Variants in PLEKHA7 observed in about 807,000 individuals in gnomAD.
PLEKHA7 encodes the protein pleckstrin homology domain-containing family A member 7.
In PLEKHA7, 104 loss-of-function variants were observed where a neutral mutation model predicts 170.0. That is an observed-to-expected ratio of 0.61 (90% confidence interval 0.52 to 0.72). The LOEUF (loss-of-function observed/expected upper bound fraction) is 0.72, where lower values mean the gene tolerates loss of function less well. Among genes scored for constraint, PLEKHA7 ranks in the 30% least tolerant of loss-of-function variants. The pLI is 0.00. For missense variants in PLEKHA7, 1,615 were observed against 1,671.7 expected (o/e 0.97, Z 0.59); for synonymous variants, 648 against 660.8 (o/e 0.98, Z 0.30).
intron 6 of PLEKHA7, among the ~76,000 whole-genome samples, chr11:16,852,781 G>A (rs1853085783): frequency 6.6e-6 from 1 of 152,114 alleles, no homozygotes; most frequent in African/African-American, 2.4e-5. Context: ...ATTAAGTGAG[G>A]CAAAGTTTTC....
chr11:16,928,006 G>A (rs1859682510), intron 3 of PLEKHA7, among the ~76,000 whole-genome samples: 1 of 152,110 alleles, frequency 6.6e-6, no homozygotes, highest in African/African-American at 2.4e-5. Flanking sequence ...GGGGTCTGTT[G>A]GGGAGGGAGG....
intron 3 of PLEKHA7, among the ~76,000 whole-genome samples, chr11:16,905,191 G>C (rs749491039): frequency 3.2e-4 from 49 of 152,136 alleles, no homozygotes; most frequent in Non-Finnish European, 6.5e-4. Flanking sequence ...AATCGAGGGT[G>C]CAGTAAGCCA....
chr11:16,947,578 G>A lies in PLEKHA7; in HGVS notation c.221+66411C>T, dbSNP rs186129930. Reference sequence around the variant, plus strand: ...TGCACTCCAGCCTGAGCGAGAGAGCGAGACTCCACCTAAAAAAAAAAAAAA... The same window carrying A: ...TGCACTCCAGCCTGAGCGAGAGAGCAAGACTCCACCTAAAAAAAAAAAAAA... On this transcript the variant is annotated intron_variant, in intron 3 of 26. Coordinates refer to ENST00000531066, the MANE Select transcript of PLEKHA7 (RefSeq NM_001329630.2). 1.8e-3 allele frequency among the ~76,000 whole-genome samples: 254 copies of A among 144,308 alleles called. 6 individuals carry two copies. Among genetic ancestry groups the A allele is most frequent in the Non-Finnish European group, 2.3e-3 (152 of 65,992 alleles). The allele number at this position is 144,308 out of a possible 152,430, so 94.7% of individuals were successfully genotyped here. A position where few individuals can be genotyped will look rare whatever the true frequency, so the allele number is the denominator to read the frequency against.
intron 19 of PLEKHA7, among the ~76,000 whole-genome samples, chr11:16,793,328 A>G (rs1847987307): frequency 6.6e-6 from 1 of 152,242 alleles, no homozygotes; most frequent in South Asian, 2.1e-4. Flanking sequence ...TTTTAGGGCT[A>G]GAGCTCCAGT....
At chr11:16,963,574 C>A (rs1481741943) in intron 3 of PLEKHA7, among the ~76,000 whole-genome samples, 1 of 152,086 alleles carries the variant, frequency 6.6e-6, no homozygotes, top group Non-Finnish European at 1.5e-5. Flanking sequence ...CGTCAGCTGA[C>A]TGGGGAGAGG....
intron 3 of PLEKHA7, among the ~76,000 whole-genome samples, chr11:16,885,222 C>A (rs1336463871): frequency 6.6e-6 from 1 of 151,210 alleles, no homozygotes; most frequent in East Asian, 2.0e-4. Context: ...CTCAGCTACT[C>A]AGGAGGCTGA....
At chr11:16,790,980 T>C (rs1416976819) in intron 20 of PLEKHA7, 31 bp downstream of exon 20, 2 of 1,613,754 alleles carry the variant, frequency 1.2e-6, no homozygotes, top group Non-Finnish European at 1.7e-6. Flanking sequence ...TCCCCACATG[T>C]AGAGTGGCAG....
At chr11:17,014,242 C>G in intron 1 of PLEKHA7, 41 bp from the exon 2 acceptor site, 1 of 1,423,086 alleles carries the variant, frequency 7.0e-7, no homozygotes, top group Non-Finnish European at 9.1e-7. Flanking sequence ...CGCCACAGCC[C>G]GCCGGGTGCC....
At chr11:16,847,565 C>T (rs895425216) in intron 8 of PLEKHA7, among the ~76,000 whole-genome samples, 9 of 152,120 alleles carry the variant, frequency 5.9e-5, no homozygotes, top group African/African-American at 9.7e-5. Context: ...CACAGAGGCT[C>T]ACGCCTATAA....
chr11:16,914,354 C>T (rs1858479985), intron 3 of PLEKHA7, among the ~76,000 whole-genome samples: 1 of 152,168 alleles, frequency 6.6e-6, no homozygotes, highest in Admixed American at 6.5e-5. Context: ...CGTACCTCAG[C>T]GCCATAAATC....
At chr11:16,903,131 C>T (rs114366845) in intron 3 of PLEKHA7, among the ~76,000 whole-genome samples, 2,378 of 152,302 alleles carry the variant, frequency 0.016, 60 homozygotes, top group African/African-American at 0.054. Context: ...ATGATGTAAA[C>T]ACCTAGTTCA....
chr11:16,975,228 A>AT (rs1393061934), intron 3 of PLEKHA7, among the ~76,000 whole-genome samples: 1 of 152,180 alleles, frequency 6.6e-6, no homozygotes, highest in Non-Finnish European at 1.5e-5. Flanking sequence ...CATTTCAAGA[A>AT]TTTTTTATCA....
intron 3 of PLEKHA7, among the ~76,000 whole-genome samples, chr11:16,971,250 G>T (rs1425954095): frequency 6.6e-6 from 1 of 152,138 alleles, no homozygotes; most frequent in Non-Finnish European, 1.5e-5. Context: ...TATGTAAGTG[G>T]ATTTAAACAC....
rs1156696754 is a variant in PLEKHA7, at chr11:16,826,562, C to T, written c.901G>A (p.Val301Ile). The change falls in exon 10 of 27, where the codon GTC becomes ATC. Residue 301 changes from valine (V) to isoleucine (I), a missense_variant. Coordinates refer to ENST00000531066, the MANE Select transcript of PLEKHA7 (RefSeq NM_001329630.2). The part of the protein sequence containing the change: ...RDMEKVERQA[V>I]PQANHTESCH... ...GACTCTGTGTGGTTGGCCTGGGGGACAGCCTGCCGCTCCACCTTCTCCATA... is the reference window on the plus strand; with the variant it reads ...GACTCTGTGTGGTTGGCCTGGGGGATAGCCTGCCGCTCCACCTTCTCCATA... 4 of 1,613,808 alleles carry T rather than the reference C, an allele frequency of 2.5e-6. No individual in the cohort carries two copies. Among genetic ancestry groups the T allele is most frequent in the Middle Eastern group, 1.7e-4 (1 of 6,060 alleles).
chr11:16,782,716 G>A (rs1564898435), intron 26 of PLEKHA7, 38 bp downstream of exon 26: 1 of 1,533,268 alleles, frequency 6.5e-7, no homozygotes, highest in African/African-American at 1.4e-5. Flanking sequence ...GTGCAGTGGG[G>A]CAGGATCCAG....
intron 10 of PLEKHA7, among the ~76,000 whole-genome samples, chr11:16,822,717 G>A (rs1850333415): frequency 1.3e-5 from 2 of 152,148 alleles, no homozygotes; most frequent in East Asian, 1.9e-4. Context: ...TCTGTTGTTG[G>A]CCCTCTGCAA....
chr11:16,860,268 C>T (rs1853833678), intron 4 of PLEKHA7, among the ~76,000 whole-genome samples: 1 of 152,124 alleles, frequency 6.6e-6, no homozygotes, highest in Admixed American at 6.5e-5. Flanking sequence ...ATATTTGGCA[C>T]TAAATGCATA....
intron 3 of PLEKHA7, among the ~76,000 whole-genome samples, chr11:16,990,800 A>G (rs575736774): frequency 6.6e-6 from 1 of 152,354 alleles, no homozygotes; most frequent in Non-Finnish European, 1.5e-5. Flanking sequence ...CACATCCCAG[A>G]GCATTGAGTG....
chr11:16,853,746 G>A (rs1032734315), intron 6 of PLEKHA7, among the ~76,000 whole-genome samples: 3 of 152,218 alleles, frequency 2.0e-5, no homozygotes, highest in Non-Finnish European at 2.9e-5. Flanking sequence ...AGAGAGGGAC[G>A]ACAGGGCTGT....
Sources: gnomAD v4.1 joint callset for allele counts (sites outside exome capture counted in the v4.1 genomes callset) on GRCh38, gnomAD v4.1.1 for gene constraint, MANE v1.5 for transcripts, NCBI Gene and HGNC (gene_info 2026-07-23, HGNC 2026-07-21) for gene names.